Variants in ITGBL1 observed in about 807,000 individuals in gnomAD.
ITGBL1 encodes integrin subunit beta like 1, also known as integrin beta-like protein 1.
Under a neutral mutation model 68.5 loss-of-function variants are expected in ITGBL1, and 51 were observed. The ratio of observed to expected loss-of-function variants is 0.74; its 90% CI spans 0.59 to 0.94. The LOEUF is 0.94. ITGBL1 is among the 40% of genes least tolerant of loss of function. The pLI is 0.00. For missense variants in ITGBL1, 649 were observed against 647.4 expected (o/e 1.00, Z -0.03); for synonymous variants, 209 against 227.3 (o/e 0.92, Z 0.72).
At chr13:101,472,713 GT>G (rs1009454893) in intron 2 of ITGBL1, among the ~76,000 whole-genome samples, 2 of 151,992 alleles carry the variant, frequency 1.3e-5, no homozygotes, top group African/African-American at 4.8e-5. Context: ...AATGCAGAGG[GT>G]TGTTTCATTT....
At chr13:101,621,440 T>G (rs2031578517) in intron 7 of ITGBL1, among the ~76,000 whole-genome samples, 1 of 152,112 alleles carries the variant, frequency 6.6e-6, no homozygotes, top group Admixed American at 6.6e-5. Context: ...AGCCTTAGTT[T>G]CACAGTCCAT....
chr13:101,582,478 C>G (rs2050475010), intron 5 of ITGBL1, among the ~76,000 whole-genome samples: 1 of 152,132 alleles, frequency 6.6e-6, no homozygotes, highest in Non-Finnish European at 1.5e-5. Context: ...TACTGATAAT[C>G]CACACAGAGT....
chr13:101,642,406 GGTT>G (rs1471810150), intron 7 of ITGBL1, among the ~76,000 whole-genome samples: 7 of 152,114 alleles, frequency 4.6e-5, no homozygotes, highest in Non-Finnish European at 1.0e-4. Context: ...TTGTTGATGG[GGTT>G]GTTTGTTTTT....
At chr13:101,691,791 A>G (rs2033886627) in intron 7 of ITGBL1, among the ~76,000 whole-genome samples, 1 of 152,202 alleles carries the variant, frequency 6.6e-6, no homozygotes, top group African/African-American at 2.4e-5. Flanking sequence ...ACCATTGGAA[A>G]GTTACTTGGC....
chr13:101,700,986 G>A (rs973587101), intron 8 of ITGBL1, among the ~76,000 whole-genome samples: 25 of 152,138 alleles, frequency 1.6e-4, no homozygotes, highest in African/African-American at 6.0e-4. Context: ...TTACCATGAA[G>A]ACAGGGCCAA....
intron 3 of ITGBL1, among the ~76,000 whole-genome samples, chr13:101,573,247 A>C (rs958920415): frequency 6.6e-6 from 1 of 152,184 alleles, no homozygotes; most frequent in Admixed American, 6.5e-5. Context: ...ATTAGATTTC[A>C]AATTACTTTT....
At chr13:101,565,875 A>G (rs1218653151) in intron 2 of ITGBL1, among the ~76,000 whole-genome samples, 3 of 152,030 alleles carry the variant, frequency 2.0e-5, no homozygotes, top group Non-Finnish European at 4.4e-5. Flanking sequence ...CATTGGGTCA[A>G]TTTGGAAGGG....
At chr13:101,665,100 A>AT (rs942038643) in intron 7 of ITGBL1, among the ~76,000 whole-genome samples, 87 of 149,802 alleles carry the variant, frequency 5.8e-4, no homozygotes, top group African/African-American at 1.1e-3. Context: ...CTGTCCACCA[A>AT]TTTTTTTTTT....
intron 7 of ITGBL1, among the ~76,000 whole-genome samples, chr13:101,613,789 A>G (rs868467954): frequency 6.6e-6 from 1 of 152,124 alleles, no homozygotes; most frequent in South Asian, 2.1e-4. Context: ...TTTGTCTGCA[A>G]TATGGCCTGG....
chr13:101,698,657 C>G (rs1175257842), intron 8 of ITGBL1, among the ~76,000 whole-genome samples: 1 of 152,152 alleles, frequency 6.6e-6, no homozygotes, highest in African/African-American at 2.4e-5. Flanking sequence ...GATTTATTAT[C>G]AGATAAGTCA....
In ITGBL1 at chr13:101,583,290, A is replaced by C. The variant is rs2050494875; in HGVS notation, c.802A>C (p.Thr268Pro). Residue 268 changes from threonine to proline, a missense_variant, in exon 6 of 11, where the codon ACC (threonine) becomes CCC (proline). Transcript: ENST00000376180. ...TGDWGDIHGD[T>P]CECDERDCRA... ...GGACTGGGGAGATATTCATGGGGAC[A>C]CCTGTGAATGTGATGAGAGGGACTG... 6.2e-7 allele frequency: 1 copy of C among 1,612,626 alleles called. No individual in the cohort carries two copies. The highest frequency in any genetic ancestry group is 1.3e-5 in the African/African-American group (1 of 74,810).
At chr13:101,480,541 CAAAT>C (rs2048603889) in intron 2 of ITGBL1, among the ~76,000 whole-genome samples, 1 of 151,576 alleles carries the variant, frequency 6.6e-6, no homozygotes, top group African/African-American at 2.4e-5. Context: ...GTTTGTAACA[CAAAT>C]AAATGATAAG....
chr13:101,459,754 T>G (rs2048292743), intron 2 of ITGBL1, among the ~76,000 whole-genome samples: 1 of 151,970 alleles, frequency 6.6e-6, no homozygotes. Context: ...AAATAAGAAA[T>G]AAATATAAAA....
intron 7 of ITGBL1, among the ~76,000 whole-genome samples, chr13:101,610,490 T>G (rs1319404696): frequency 6.6e-6 from 1 of 152,180 alleles, no homozygotes; most frequent in Non-Finnish European, 1.5e-5. Context: ...GTACATCATA[T>G]TTTCATAAAC....
chr13:101,477,866 A>G (rs777750234), intron 2 of ITGBL1, among the ~76,000 whole-genome samples: 2 of 152,070 alleles, frequency 1.3e-5, no homozygotes, highest in Non-Finnish European at 2.9e-5. Flanking sequence ...GGCCTAGTAA[A>G]GCCCAGGACT....
At chr13:101,493,921 G>A (rs2048817931) in intron 2 of ITGBL1, among the ~76,000 whole-genome samples, 1 of 152,160 alleles carries the variant, frequency 6.6e-6, no homozygotes, top group Non-Finnish European at 1.5e-5. Flanking sequence ...AGATTTGCCA[G>A]GTTAGATTTA....
intron 7 of ITGBL1, among the ~76,000 whole-genome samples, chr13:101,667,021 A>G (rs2033236159): frequency 6.6e-6 from 1 of 152,222 alleles, no homozygotes; most frequent in Non-Finnish European, 1.5e-5. Flanking sequence ...ATTCCTTGAC[A>G]GGGCTTATAG....
chr13:101,462,879 G>C (rs1395839121), intron 2 of ITGBL1, among the ~76,000 whole-genome samples: 1 of 152,078 alleles, frequency 6.6e-6, no homozygotes, highest in Non-Finnish European at 1.5e-5. Flanking sequence ...CATGGCACCT[G>C]GCCTTTTCCA....
intron 2 of ITGBL1, among the ~76,000 whole-genome samples, chr13:101,557,394 T>C (rs901989379): frequency 4.6e-5 from 7 of 152,256 alleles, no homozygotes; most frequent in Non-Finnish European, 7.3e-5. Context: ...TATGCACATA[T>C]AAATGTGCAT....
Sources: allele counts gnomAD v4.1 joint callset (sites outside exome capture counted in the v4.1 genomes callset), GRCh38; gene constraint gnomAD v4.1.1; transcripts MANE v1.5; gene names NCBI Gene and HGNC (gene_info 2026-07-23, HGNC 2026-07-21).